The following RBFOX1 variants were observed in gnomAD, a reference collection of about 807,000 sequenced individuals.
The protein encoded by RBFOX1 is RNA binding fox-1 homolog 1.
A neutral mutation model predicts 57.7 loss-of-function variants in RBFOX1; 8 were observed. The ratio of observed to expected loss-of-function variants is 0.14; its 90% CI spans 0.08 to 0.25. The LOEUF (loss-of-function observed/expected upper bound fraction) is 0.25, where lower values mean the gene tolerates loss of function less well. RBFOX1 is among the 10% of genes least tolerant of loss of function. The probability of loss-of-function intolerance (pLI) is 1.00; values close to 1 mark genes in which losing one functional copy is unlikely to be tolerated. For synonymous variants in RBFOX1, 326 were observed against 222.4 expected, an observed-to-expected ratio of 1.47 and a Z score of -4.15; for missense variants, 611 against 548.5, an observed-to-expected ratio of 1.11 and a Z score of -1.14.
chr16:6,784,919 T>C (rs1191734732), intron 3 of RBFOX1, among the ~76,000 whole-genome samples: 2 of 152,150 alleles, frequency 1.3e-5, no homozygotes, highest in Non-Finnish European at 2.9e-5. Flanking sequence ...CTCTTCTAAG[T>C]TGCTTGAAAA....
At chr16:6,418,042 A>C (rs569681411) in intron 2 of RBFOX1, among the ~76,000 whole-genome samples, 2 of 152,226 alleles carry the variant, frequency 1.3e-5, no homozygotes, top group African/African-American at 2.4e-5. Context: ...CCTTCAAACA[A>C]GTTATACTGA....
intron 2 of RBFOX1, among the ~76,000 whole-genome samples, chr16:6,491,156 T>A (rs1168649720): frequency 5.3e-5 from 8 of 151,966 alleles, no homozygotes; most frequent in Non-Finnish European, 1.0e-4. Context: ...ATGTATAGAC[T>A]AGAAGCTACA....
At chr16:6,610,009 AAAC>A (rs1420631719) in intron 2 of RBFOX1, among the ~76,000 whole-genome samples, 13 of 136,544 alleles carry the variant, frequency 9.5e-5, no homozygotes, top group Admixed American at 9.2e-4. Context: ...CTCTGACACA[AAAC>A]AAAACAAAAC....
intron 4 of RBFOX1, among the ~76,000 whole-genome samples, chr16:5,884,430 A>G (rs2057843668): frequency 6.6e-6 from 1 of 151,692 alleles, no homozygotes; most frequent in Admixed American, 6.6e-5. Context: ...ACCAAAATCC[A>G]TCTGTTCCAC....
chr16:6,278,730 A>G (rs899157014), intron 1 of RBFOX1, among the ~76,000 whole-genome samples: 6 of 152,200 alleles, frequency 3.9e-5, no homozygotes, highest in African/African-American at 1.4e-4. Flanking sequence ...ATTTGCATAC[A>G]GCTTAGAGCA....
intron 1 of RBFOX1, among the ~76,000 whole-genome samples, chr16:5,258,002 C>T (rs1423493272): frequency 6.6e-6 from 1 of 152,110 alleles, no homozygotes; most frequent in Non-Finnish European, 1.5e-5. Flanking sequence ...CCTCAGCCTC[C>T]TGAGTAGCTG....
chr16:5,577,242 A>C (rs2046488995), intron 2 of RBFOX1, among the ~76,000 whole-genome samples: 1 of 152,230 alleles, frequency 6.6e-6, no homozygotes, highest in African/African-American at 2.4e-5. Flanking sequence ...TCTAAGAACA[A>C]GCAGACTCCG....
intron 2 of RBFOX1, among the ~76,000 whole-genome samples, chr16:6,539,972 A>G (rs190866443): frequency 6.6e-6 from 1 of 152,234 alleles, no homozygotes; most frequent in African/African-American, 2.4e-5. Context: ...AAAAATTACC[A>G]ATGTCTTAAC....
At position 5,912,481 on chromosome 16, in the gene RBFOX1, C is replaced by G. The variant is rs79097909; in HGVS notation, c.351+45146C>G. On this transcript the variant is annotated intron_variant, in intron 4 of 19. Coordinates refer to the RBFOX1 transcript ENST00000641259. Reference sequence around the variant, plus strand: ...ACCTGGCATCTCCCAGCTCCTCTCACCTCACTCCAGTCCCACTACATCACA... The same window carrying G: ...ACCTGGCATCTCCCAGCTCCTCTCAGCTCACTCCAGTCCCACTACATCACA... Among the ~76,000 whole-genome samples, 822 of 152,266 alleles carry G rather than the reference C, an allele frequency of 5.4e-3. 5 individuals are homozygous for G. Among genetic ancestry groups the G allele is most frequent in the African/African-American group, 0.019 (780 of 41,538 alleles).
chr16:5,503,442 GT>G (rs2043269623), intron 2 of RBFOX1, among the ~76,000 whole-genome samples: 1 of 152,168 alleles, frequency 6.6e-6, no homozygotes, highest in Non-Finnish European at 1.5e-5. Flanking sequence ...TCTTTGTTTT[GT>G]TTTTGTTTTT....
rs77324153 is a variant in RBFOX1 at position 6,500,781 on chromosome 16, C to G, written c.-63-153822C>G. ...TATTCTCCTCACAAAGATTATAAAC[C>G]AACTGTGATATGTGTGCAGGAGAAA... is the stretch of plus-strand genomic sequence containing the variant. On this transcript the variant is annotated intron_variant, in intron 2 of 15. Transcript: ENST00000550418. 2.7e-3 allele frequency among the ~76,000 whole-genome samples: 417 copies of G among 152,062 alleles called. 3 individuals carry two copies. Among genetic ancestry groups the G allele is most frequent in the African/African-American group, 9.1e-3 (379 of 41,454 alleles).
intron 3 of RBFOX1, among the ~76,000 whole-genome samples, chr16:6,834,036 G>T (rs532548905): frequency 1.3e-5 from 2 of 150,776 alleles, no homozygotes; most frequent in African/African-American, 2.5e-5. Flanking sequence ...TTAAAGGTTG[G>T]GGGTACCTGA....
chr16:6,336,696 G>A lies in RBFOX1; in HGVS notation c.-64+19639G>A, dbSNP rs2083811795. Among the ~76,000 whole-genome samples, 4 of 152,222 alleles carry A rather than the reference G, an allele frequency of 2.6e-5. No individual in the cohort carries two copies. In the South Asian group the frequency reaches 8.3e-4, roughly 32 times the overall value. On this transcript the variant is annotated intron_variant, in intron 2 of 15. Transcript: ENST00000550418. ...GCCATAAGATTCTGTAAAGAGGTGG[G>A]GGGGAAATTGGATGAGATGATAGAT...
intron 2 of RBFOX1, among the ~76,000 whole-genome samples, chr16:6,610,170 G>A (rs562724711): frequency 2.6e-5 from 4 of 152,106 alleles, no homozygotes; most frequent in African/African-American, 7.2e-5. Context: ...GAAGCTCTTC[G>A]GTGTGCATTA....
At chr16:6,804,522 C>A (rs2086265109) in intron 3 of RBFOX1, among the ~76,000 whole-genome samples, 1 of 152,078 alleles carries the variant, frequency 6.6e-6, no homozygotes, top group Non-Finnish European at 1.5e-5. Context: ...CTTCATCCTA[C>A]AAATAAAGAA....
intron 9 of RBFOX1, among the ~76,000 whole-genome samples, chr16:7,605,598 C>G (rs1366236750): frequency 2.0e-5 from 3 of 152,174 alleles, no homozygotes; most frequent in Admixed American, 1.3e-4. Context: ...TAGTGAGCCT[C>G]TGTTTTCCTT....
chr16:6,985,123 C>G (rs780975205), intron 3 of RBFOX1, among the ~76,000 whole-genome samples: 6 of 152,076 alleles, frequency 3.9e-5, no homozygotes, highest in Non-Finnish European at 8.8e-5. Flanking sequence ...CTACCCTACC[C>G]TACCCTACCC....
In RBFOX1 at chr16:7,672,621, G is replaced by A. The variant is rs184520185; in HGVS notation, c.931-4153G>A. On this transcript the variant is annotated intron_variant, in intron 13 of 15. Transcript: ENST00000550418. Reference sequence around the variant, plus strand: ...CTCACACCTGTAATCCCCGTACTTCGGGAGACCTAAGGCAGGCAGATTGCT... The same window carrying A: ...CTCACACCTGTAATCCCCGTACTTCAGGAGACCTAAGGCAGGCAGATTGCT... Among the ~76,000 whole-genome samples, 68 of 151,982 alleles carry A rather than the reference G, an allele frequency of 4.5e-4. 1 individual carries two copies. The highest frequency in any genetic ancestry group is 1.0e-3 in the Admixed American group (16 of 15,266).
At chr16:7,460,806 C>A (rs1845931732) in intron 4 of RBFOX1, among the ~76,000 whole-genome samples, 1 of 152,074 alleles carries the variant, frequency 6.6e-6, no homozygotes, top group African/African-American at 2.4e-5. Context: ...TTATTAGGTT[C>A]CCAAAACTGC....
Sources: allele counts gnomAD v4.1 joint callset (sites outside exome capture counted in the v4.1 genomes callset), GRCh38; gene constraint gnomAD v4.1.1; transcripts MANE v1.5; gene names NCBI Gene and HGNC (gene_info 2026-07-23, HGNC 2026-07-21).